Variants in KCNAB2 observed in about 807,000 individuals in gnomAD.
KCNAB2 encodes voltage-gated potassium channel subunit beta-2.
A neutral mutation model predicts 63.6 loss-of-function variants in KCNAB2; 29 were observed. The observed-to-expected ratio is 0.46, with a 90% CI of 0.34 to 0.62. KCNAB2 has a LOEUF of 0.62. KCNAB2 is among the 20% of genes least tolerant of loss of function. The pLI is 0.01. For synonymous variants in KCNAB2, 222 were observed against 224.2 expected (o/e 0.99, Z 0.09); for missense variants, 359 against 563.9 (o/e 0.64, Z 3.68).
rs1182221857 is a variant in KCNAB2, at chr1:6,005,419, G to T, written c.-53+12631G>T. Among the ~76,000 whole-genome samples the T allele has an allele frequency of 4.0e-5, 5 of 126,180 alleles. 2 individuals carry two copies. The highest frequency in any genetic ancestry group is 1.9e-4 in the African/African-American group (5 of 26,208). The allele number at this position is 126,180 out of a possible 152,430, so 82.8% of individuals were successfully genotyped here. On this transcript the variant is annotated intron_variant, in intron 1 of 16. Coordinates refer to the KCNAB2 transcript ENST00000341524. The stretch of plus-strand genomic sequence containing the variant: ...GGAGCTGAGCTGAGGGGTGGGGGTG[G>T]AGTTGTGGGTTGTGTGAGCTGAGCT...
intron 13 of KCNAB2, 94 bp downstream of exon 13, chr1:6,095,718 G>A (rs2100789885): frequency 8.3e-7 from 1 of 1,202,048 alleles, no homozygotes; most frequent in Non-Finnish European, 1.2e-6. Flanking sequence ...CTGGGCAGGG[G>A]TTCCGGGAGC....
chr1:5,999,011 G>A (rs981707154), intron 1 of KCNAB2, among the ~76,000 whole-genome samples: 2 of 152,238 alleles, frequency 1.3e-5, no homozygotes, highest in Admixed American at 6.5e-5. Context: ...GGGCGTAGAC[G>A]AAGCCGCTTT....
Position 6,053,557 on chromosome 1 carries a change from G to T in KCNAB2, c.218+1803G>T, listed in dbSNP as rs561960463. The stretch of plus-strand genomic sequence containing the variant: ...GAACATTCCAGCCCAAGAGGAGAGG[G>T]GTCTGGAATGGATGCCTCTCTCAGC... On this transcript the variant is annotated intron_variant, in intron 2 of 15. Transcript: ENST00000378083. Among the ~76,000 whole-genome samples, 9 of 152,270 alleles carry T rather than the reference G, an allele frequency of 5.9e-5. No individual in the cohort carries two copies. In the South Asian group the frequency reaches 1.9e-3, roughly 32 times the overall value.
chr1:6,040,564 G>T, exon 2 of KCNAB2: 3 of 1,613,946 alleles, frequency 1.9e-6, no homozygotes, highest in Non-Finnish European at 2.5e-6. Context: ...AGTGAGGCTG[G>T]CTCCATGTAT....
At chr1:6,048,237 C>T (rs1244878927) in intron 1 of KCNAB2, among the ~76,000 whole-genome samples, 2 of 152,232 alleles carry the variant, frequency 1.3e-5, no homozygotes, top group Non-Finnish European at 1.5e-5. Flanking sequence ...CAAGTTCCTT[C>T]CCGCCCTGCC....
In KCNAB2 at chr1:6,069,357, G is replaced by A. The variant is rs143043424; in HGVS notation, c.219-3398G>A. The stretch of plus-strand genomic sequence containing the variant: ...TTTGTAAAATGACCTGTCATTTCCC[G>A]GAGCCTTCCAGCTCCGGCCCTTCCC... On this transcript the variant is annotated intron_variant, in intron 2 of 15. Coordinates refer to ENST00000378083, the MANE Select transcript of KCNAB2 (RefSeq NM_001199862.2). The surrounding 1 kb of genome is among the most constrained non-coding windows in gnomAD (Gnocchi z 5.4). Among the ~76,000 whole-genome samples, 19 of 152,108 alleles carry A rather than the reference G, an allele frequency of 1.2e-4. No homozygotes were observed. The highest frequency in any genetic ancestry group is 7.9e-4 in the Admixed American group (12 of 15,280).
rs1435989553 is a variant in KCNAB2 at position 6,069,216 on chromosome 1, C to T, written c.219-3539C>T. On this transcript the variant is annotated intron_variant, in intron 2 of 15. Transcript: ENST00000378083. The surrounding 1 kb of genome is among the most constrained non-coding windows in gnomAD (Gnocchi z 5.4). Reference sequence around the variant, plus strand: ...CAGGCGAGCAGGGCACTAACAGGAGCCACCCCATGTGCCTTCCTCCGCAAC... The same window carrying T: ...CAGGCGAGCAGGGCACTAACAGGAGTCACCCCATGTGCCTTCCTCCGCAAC... 6.6e-6 allele frequency among the ~76,000 whole-genome samples: 1 copy of T among 152,198 alleles called. No homozygotes were observed. The highest frequency in any genetic ancestry group is 2.4e-5 in the African/African-American group (1 of 41,456).
At chr1:6,095,721 C>T (rs2100789899) in intron 13 of KCNAB2, 97 bp downstream of exon 13, 1 of 1,150,170 alleles carries the variant, frequency 8.7e-7, no homozygotes, top group Non-Finnish European at 1.3e-6. Flanking sequence ...GGCAGGGGTT[C>T]CGGGAGCTGC....
intron 1 of KCNAB2, among the ~76,000 whole-genome samples, chr1:6,047,785 C>T (rs1256555851): frequency 2.0e-5 from 3 of 152,202 alleles, no homozygotes; most frequent in Non-Finnish European, 4.4e-5. Context: ...TCAGGGGAGT[C>T]CAGCGGCCAT....
At chr1:6,036,266 G>A (rs997825721) in intron 1 of KCNAB2, among the ~76,000 whole-genome samples, 3 of 152,176 alleles carry the variant, frequency 2.0e-5, no homozygotes, top group African/African-American at 7.2e-5. Flanking sequence ...ATTTAGGGAG[G>A]CCGAGGCGGG....
intron 8 of KCNAB2, 54 bp downstream of exon 8, chr1:6,089,105 G>T (rs770029942): frequency 6.6e-7 from 1 of 1,517,640 alleles, no homozygotes; most frequent in Non-Finnish European, 8.9e-7. Flanking sequence ...ATCATCCTCG[G>T]AGGCCAAAGT....
At chr1:6,090,744 C>T (rs950900651) in intron 9 of KCNAB2, among the ~76,000 whole-genome samples, 3 of 152,156 alleles carry the variant, frequency 2.0e-5, no homozygotes, top group Non-Finnish European at 4.4e-5. Context: ...ATCCGCCCTC[C>T]GAGTCAGAGC....
rs181993603 is a variant in KCNAB2 at position 6,100,245 on chromosome 1, C to G, written c.*1671C>G. 3.1e-6 allele frequency: 2 copies of G among 655,498 alleles called. No homozygotes were observed. The highest frequency in any genetic ancestry group is 1.8e-5 in the African/African-American group (1 of 54,716). The allele number at this position is 655,498 out of a possible 1,614,324, so 40.6% of individuals were successfully genotyped here. On this transcript the variant is annotated 3_prime_UTR_variant, in exon 16 of 16. Coordinates refer to ENST00000378083, the MANE Select transcript of KCNAB2 (RefSeq NM_001199862.2). ...AGGGGAGGAGGGGGATCAGCTTCTG[C>G]TATTACCGACCCCCCTTCATGCTGC...
At chr1:6,026,821 C>A (rs556591641) in intron 1 of KCNAB2, among the ~76,000 whole-genome samples, 84 of 152,358 alleles carry the variant, frequency 5.5e-4, no homozygotes, top group African/African-American at 1.8e-3. Flanking sequence ...CTCTGTCCCT[C>A]TGCAGGGGGC....
intron 15 of KCNAB2, chr1:6,097,632 C>T (rs1025077259): frequency 4.5e-5 from 27 of 598,290 alleles, no homozygotes; most frequent in African/African-American, 4.5e-4. Context: ...GGGCCAGGGA[C>T]GGTGGCGCTG....
chr1:6,044,577 G>A (rs958196936), upstream of KCNAB2, among the ~76,000 whole-genome samples: 1 of 152,184 alleles, frequency 6.6e-6, no homozygotes, highest in Non-Finnish European at 1.5e-5. Context: ...GCTGGCTGTA[G>A]AGGTGGATGT....
rs566584347 is a variant in KCNAB2 at position 6,026,705 on chromosome 1, C to T, written c.-52-13812C>T. Among the ~76,000 whole-genome samples, 177 of 152,338 alleles carry T rather than the reference C, an allele frequency of 1.2e-3. 1 individual carries two copies. Among genetic ancestry groups the T allele is most frequent in the African/African-American group, 4.1e-3 (170 of 41,586 alleles). ...GCTGCTGGACAGAGTGGGCCTGGCA[C>T]CCAGCAGAGATGTCTGACGGCCGCA... On this transcript the variant is annotated intron_variant, in intron 1 of 16. Coordinates refer to the KCNAB2 transcript ENST00000341524.
upstream of KCNAB2, among the ~76,000 whole-genome samples, chr1:6,042,733 G>A (rs768996231): frequency 5.3e-5 from 8 of 152,116 alleles, no homozygotes; most frequent in South Asian, 4.1e-4. Context: ...ATTCGGACCC[G>A]GACATCTGGT....
At position 6,073,865 on chromosome 1, in the gene KCNAB2, C is replaced by A; in HGVS notation, c.300+95C>A. ...GCGTGGACCAGTGAGCACGTGCTCC[C>A]GGGAGCCAGCGCAGCAGCCTCCCTC... On this transcript the variant is annotated intron_variant, in intron 4 of 15. Coordinates refer to ENST00000378083, the MANE Select transcript of KCNAB2 (RefSeq NM_001199862.2). This position sits in a 1 kb window ranked among gnomAD's most constrained non-coding sequence, Gnocchi z 5.7. 7.9e-7 allele frequency: 1 copy of A among 1,272,344 alleles called. No homozygotes were observed. Among genetic ancestry groups the A allele is most frequent in the East Asian group, 2.3e-5 (1 of 42,590 alleles). 78.8% of individuals were successfully genotyped at this position (1,272,344 alleles called of 1,614,324 possible). A position where few individuals can be genotyped will look rare whatever the true frequency, so the allele number is the denominator to read the frequency against.
Sources: allele counts gnomAD v4.1 joint callset (sites outside exome capture counted in the v4.1 genomes callset), GRCh38; gene constraint gnomAD v4.1.1; non-coding constraint Gnocchi (gnomAD v3.1); transcripts MANE v1.5; gene names NCBI Gene and HGNC (gene_info 2026-07-23, HGNC 2026-07-21).